The following CNTN4 variants were observed in gnomAD, a reference collection of about 807,000 sequenced individuals.
CNTN4 encodes the protein contactin-4.
CNTN4 carries 77 observed loss-of-function variants against 122.5 expected under a neutral mutation model. The ratio of observed to expected loss-of-function variants is 0.63; its 90% CI spans 0.52 to 0.76. CNTN4 has a LOEUF of 0.76. Ranked by LOEUF, CNTN4 falls within the 30% of genes least tolerant of loss-of-function variation. The pLI, the probability that CNTN4 is intolerant of heterozygous loss-of-function variation, is 0.00. For synonymous variants in CNTN4, 512 were observed against 447.0 expected (o/e 1.15, Z -1.83); for missense variants, 1,256 against 1,259.1 (o/e 1.00, Z 0.04).
At chr3:2,864,526 G>A (rs961327732) in intron 7 of CNTN4, among the ~76,000 whole-genome samples, 4 of 151,856 alleles carry the variant, frequency 2.6e-5, no homozygotes, top group African/African-American at 9.7e-5. Context: ...ATCACCTGAG[G>A]TCAGGAGTTC....
At chr3:2,274,118 C>T (rs2041406205) in intron 2 of CNTN4, among the ~76,000 whole-genome samples, 1 of 152,110 alleles carries the variant, frequency 6.6e-6, no homozygotes, top group African/African-American at 2.4e-5. Flanking sequence ...TACCGTGGCT[C>T]ACGCTTGTAA....
intron 3 of CNTN4, among the ~76,000 whole-genome samples, chr3:2,351,321 C>T (rs1281291593): frequency 2.0e-5 from 3 of 152,130 alleles, no homozygotes; most frequent in Admixed American, 6.5e-5. Context: ...GAAACTTAGG[C>T]GCAGAAATGT....
chr3:2,505,773 G>A (rs2076715004), intron 3 of CNTN4, among the ~76,000 whole-genome samples: 1 of 152,188 alleles, frequency 6.6e-6, no homozygotes, highest in Admixed American at 6.5e-5. Context: ...AATTTAGGCA[G>A]AGGTTTCCCT....
intron 3 of CNTN4, among the ~76,000 whole-genome samples, chr3:2,566,252 C>G (rs1000193516): frequency 6.6e-6 from 1 of 152,210 alleles, no homozygotes; most frequent in Non-Finnish European, 1.5e-5. Flanking sequence ...CCTTTAGAAA[C>G]TAGTTCAGTA....
chr3:2,368,564 C>G (rs1047245642), intron 3 of CNTN4, among the ~76,000 whole-genome samples: 3 of 152,100 alleles, frequency 2.0e-5, no homozygotes, highest in Non-Finnish European at 4.4e-5. Context: ...CAAAGCATTT[C>G]TAAATCAGAT....
At chr3:2,170,661 A>G (rs2036462589) in intron 2 of CNTN4, among the ~76,000 whole-genome samples, 1 of 152,192 alleles carries the variant, frequency 6.6e-6, no homozygotes, top group South Asian at 2.1e-4. Context: ...TTTGGAGAAA[A>G]AAGTGGGTAG....
At chr3:2,202,329 T>C (rs1312957515) in intron 2 of CNTN4, among the ~76,000 whole-genome samples, 2 of 152,192 alleles carry the variant, frequency 1.3e-5, no homozygotes, top group Non-Finnish European at 2.9e-5. Flanking sequence ...TTGCTTACGC[T>C]TTCTGTGGGA....
At chr3:2,130,762 A>G (rs1278546988) in intron 2 of CNTN4, among the ~76,000 whole-genome samples, 2 of 152,194 alleles carry the variant, frequency 1.3e-5, no homozygotes, top group East Asian at 1.9e-4. Context: ...AGTAACTTAC[A>G]TATCTATAGT....
chr3:2,225,600 A>G (rs1187711669), intron 2 of CNTN4, among the ~76,000 whole-genome samples: 1 of 152,214 alleles, frequency 6.6e-6, no homozygotes, highest in Non-Finnish European at 1.5e-5. Context: ...TAGAAAATGA[A>G]CAATACTATC....
chr3:2,497,365 C>G (rs976148352), intron 3 of CNTN4, among the ~76,000 whole-genome samples: 1 of 152,108 alleles, frequency 6.6e-6, no homozygotes, highest in Non-Finnish European at 1.5e-5. Context: ...AGTTCACATC[C>G]CTATAGCATT....
At chr3:2,819,459 T>C (rs2092814541) in intron 6 of CNTN4, 27 bp from the exon 7 acceptor site, 1 of 1,550,884 alleles carries the variant, frequency 6.4e-7, no homozygotes. Flanking sequence ...AAAGTTTAAA[T>C]GCTTTTTCCC....
intron 13 of CNTN4, among the ~76,000 whole-genome samples, chr3:2,980,618 C>T (rs1002543427): frequency 6.6e-6 from 1 of 152,168 alleles, no homozygotes; most frequent in Non-Finnish European, 1.5e-5. Context: ...TAATACCCGA[C>T]GTTTGACATC....
intron 6 of CNTN4, among the ~76,000 whole-genome samples, chr3:2,804,149 A>T (rs56412933): frequency 0.14 from 20,681 of 151,766 alleles, 3,463 homozygotes; most frequent in African/African-American, 0.4. Context: ...AATAATCAGC[A>T]GTGGGGGTAT....
intron 14 of CNTN4, among the ~76,000 whole-genome samples, chr3:2,991,308 T>TCAGGG (rs1577532256): frequency 6.6e-6 from 1 of 152,214 alleles, no homozygotes; most frequent in East Asian, 1.9e-4. Context: ...GCCATGAGGT[T>TCAGGG]AAGGGATGAT....
intron 4 of CNTN4, among the ~76,000 whole-genome samples, chr3:2,730,993 T>C (rs1337034438): frequency 1.3e-5 from 2 of 151,922 alleles, no homozygotes; most frequent in Admixed American, 1.3e-4. Context: ...GAGAGGTGCT[T>C]TATTACTCTT....
At chr3:2,915,480 G>A (rs6779761) in intron 12 of CNTN4, among the ~76,000 whole-genome samples, 3 of 152,120 alleles carry the variant, frequency 2.0e-5, no homozygotes, top group African/African-American at 4.8e-5. Context: ...AATTTGGATG[G>A]CTTTTATTTA....
chr3:2,105,371 T>C (rs2032348492), intron 2 of CNTN4, among the ~76,000 whole-genome samples: 2 of 152,190 alleles, frequency 1.3e-5, no homozygotes, highest in African/African-American at 4.8e-5. Context: ...TATATTAGTC[T>C]ATTCTCACAC....
chr3:2,367,424 A>T (rs1016122504), intron 3 of CNTN4, among the ~76,000 whole-genome samples: 1 of 152,252 alleles, frequency 6.6e-6, no homozygotes, highest in Non-Finnish European at 1.5e-5. Flanking sequence ...CCTTGAAAAT[A>T]CGAAAATCTT....
chr3:2,502,401 C>T (rs1178959218), intron 3 of CNTN4, among the ~76,000 whole-genome samples: 1 of 152,074 alleles, frequency 6.6e-6, no homozygotes, highest in East Asian at 1.9e-4. Context: ...CACTTGCAGC[C>T]CCCAGAGGTA....
Sources: allele counts gnomAD v4.1 joint callset (sites outside exome capture counted in the v4.1 genomes callset), GRCh38; gene constraint gnomAD v4.1.1; transcripts MANE v1.5; gene names NCBI Gene and HGNC (gene_info 2026-07-23, HGNC 2026-07-21).